The following ITPR2 variants were observed in gnomAD, a reference collection of about 807,000 sequenced individuals.
ITPR2 encodes inositol 1,4,5-trisphosphate-gated calcium channel ITPR2.
A neutral mutation model predicts 317.1 loss-of-function variants in ITPR2; 207 were observed. The ratio of observed to expected loss-of-function variants is 0.65; its 90% CI spans 0.58 to 0.73. ITPR2 has a LOEUF of 0.73. ITPR2 is among the 30% of genes least tolerant of loss of function. The probability of loss-of-function intolerance (pLI) is 0.00; values close to 1 mark genes in which losing one functional copy is unlikely to be tolerated. For synonymous variants in ITPR2, 1,156 were observed against 1,149.1 expected (o/e 1.01, Z -0.12); for missense variants, 2,613 against 3,284.0 (o/e 0.80, Z 4.99).
intron 1 of ITPR2, among the ~76,000 whole-genome samples, chr12:26,792,502 C>T (rs1382129866): frequency 6.6e-6 from 1 of 151,944 alleles, no homozygotes; most frequent in Non-Finnish European, 1.5e-5. Context: ...ATCATTCTGA[C>T]AGCCCTAATA....
intron 22 of ITPR2, among the ~76,000 whole-genome samples, chr12:26,629,092 G>A (rs1472541657): frequency 6.6e-6 from 1 of 152,088 alleles, no homozygotes; most frequent in Non-Finnish European, 1.5e-5. Flanking sequence ...AGGAAGATTG[G>A]CATTTCATGG....
At chr12:26,691,577 AT>A (rs1326937355) in intron 10 of ITPR2, among the ~76,000 whole-genome samples, 2 of 152,130 alleles carry the variant, frequency 1.3e-5, no homozygotes, top group African/African-American at 4.8e-5. Flanking sequence ...CAAGTTGTAC[AT>A]GGAGAAAATG....
intron 13 of ITPR2, among the ~76,000 whole-genome samples, chr12:26,677,415 C>T (rs1354091067): frequency 6.6e-6 from 1 of 151,950 alleles, no homozygotes. Flanking sequence ...GCCTGGGCAA[C>T]ACGGCGAAAC....
At chr12:26,798,500 T>C (rs1950495690) in intron 1 of ITPR2, among the ~76,000 whole-genome samples, 1 of 152,262 alleles carries the variant, frequency 6.6e-6, no homozygotes, top group Non-Finnish European at 1.5e-5. Flanking sequence ...ACAAGCTAAA[T>C]ACCAGCACTA....
chr12:26,459,375 C>A (rs1446400801), intron 45 of ITPR2, among the ~76,000 whole-genome samples: 1 of 152,332 alleles, frequency 6.6e-6, no homozygotes, highest in South Asian at 2.1e-4. Context: ...GCTATTCTGA[C>A]TCTACTGTGC....
chr12:26,696,957 A>G (rs531470261), intron 9 of ITPR2, among the ~76,000 whole-genome samples: 213 of 152,336 alleles, frequency 1.4e-3, no homozygotes, highest in African/African-American at 5.1e-3. Flanking sequence ...AAGTGGAGGG[A>G]AAAGATGATG....
At position 26,364,132 on chromosome 12, in the gene ITPR2, A is replaced by G. The variant is rs191402513; in HGVS notation, c.7857+23302T>C. On this transcript the variant is annotated intron_variant, in intron 55 of 56. Coordinates refer to ENST00000381340, the MANE Select transcript of ITPR2 (RefSeq NM_002223.4). ...ATAACACCACACTAGAATAAAAAAT[A>G]TGGCGGGTCAGATACCATCATCTTT... Among the ~76,000 whole-genome samples the G allele has an allele frequency of 3.3e-5, 5 of 152,194 alleles. No homozygotes were observed. The East Asian group carries it at 9.6e-4, about 29-fold the overall frequency.
At chr12:26,500,067 C>T (rs1943035699) in intron 37 of ITPR2, among the ~76,000 whole-genome samples, 1 of 152,214 alleles carries the variant, frequency 6.6e-6, no homozygotes, top group Non-Finnish European at 1.5e-5. Flanking sequence ...GATATTGCTA[C>T]ATCACAAGTT....
At chr12:26,640,963 C>A (rs1172623111) in intron 21 of ITPR2, among the ~76,000 whole-genome samples, 1 of 152,114 alleles carries the variant, frequency 6.6e-6, no homozygotes, top group African/African-American at 2.4e-5. Flanking sequence ...TATGAAGACC[C>A]TTGGGCACCA....
intron 46 of ITPR2, among the ~76,000 whole-genome samples, chr12:26,439,703 T>C (rs1941440592): frequency 6.6e-6 from 1 of 152,222 alleles, no homozygotes; most frequent in Non-Finnish European, 1.5e-5. Flanking sequence ...GTTATTTGTA[T>C]CTTGTTCTTA....
intron 45 of ITPR2, among the ~76,000 whole-genome samples, chr12:26,471,292 T>C (rs1318836): frequency 0.092 from 14,028 of 152,208 alleles, 1,370 homozygotes; most frequent in African/African-American, 0.23. Context: ...TGGTTTAATA[T>C]ATATTGGACA....
intron 55 of ITPR2, among the ~76,000 whole-genome samples, chr12:26,359,898 GA>G (rs747813801): frequency 2.0e-5 from 3 of 152,064 alleles, no homozygotes; most frequent in Non-Finnish European, 2.9e-5. Context: ...AACCTTGTGG[GA>G]ATGAGGAACC....
intron 52 of ITPR2, among the ~76,000 whole-genome samples, chr12:26,405,164 G>A (rs116526013): frequency 0.017 from 2,638 of 151,630 alleles, 81 homozygotes; most frequent in African/African-American, 0.061. Flanking sequence ...GAAGAAGAAA[G>A]AAGGAGGAGG....
chr12:26,470,017 T>C (rs1047347835), intron 45 of ITPR2, among the ~76,000 whole-genome samples: 1 of 152,210 alleles, frequency 6.6e-6, no homozygotes, highest in African/African-American at 2.4e-5. Flanking sequence ...AATGGCTCCC[T>C]GCTTTGGAAG....
intron 37 of ITPR2, among the ~76,000 whole-genome samples, chr12:26,549,045 G>C (rs1376264517): frequency 6.6e-6 from 1 of 152,128 alleles, no homozygotes; most frequent in African/African-American, 2.4e-5. Flanking sequence ...AAAGGATATT[G>C]ACCTCATTTT....
At chr12:26,764,852 A>G (rs1244005659) in intron 2 of ITPR2, among the ~76,000 whole-genome samples, 2 of 152,104 alleles carry the variant, frequency 1.3e-5, no homozygotes, top group Non-Finnish European at 2.9e-5. Flanking sequence ...TTTCTTTTTA[A>G]TGACACTTAT....
At chr12:26,768,711 A>C (rs1420630758) in intron 2 of ITPR2, among the ~76,000 whole-genome samples, 1 of 151,770 alleles carries the variant, frequency 6.6e-6, no homozygotes, top group Non-Finnish European at 1.5e-5. Flanking sequence ...TTAATTATGC[A>C]GATATAATCA....
chr12:26,690,361 A>T (rs201741836), intron 10 of ITPR2, among the ~76,000 whole-genome samples: 20 of 14,180 alleles, frequency 1.4e-3, no homozygotes, highest in African/African-American at 7.3e-3. Context: ...ATAAATGGCA[A>T]GCGCCAGTCT....
intron 55 of ITPR2, among the ~76,000 whole-genome samples, chr12:26,378,063 A>T (rs890050259): frequency 6.6e-6 from 1 of 152,008 alleles, no homozygotes; most frequent in African/African-American, 2.4e-5. Flanking sequence ...CTGAGTGCCT[A>T]CTATATACTG....
Sources: allele counts gnomAD v4.1 joint callset (sites outside exome capture counted in the v4.1 genomes callset), GRCh38; gene constraint gnomAD v4.1.1; transcripts MANE v1.5; gene names NCBI Gene and HGNC (gene_info 2026-07-23, HGNC 2026-07-21).